SP3: variants seen among roughly 807,000 people sequenced by gnomAD.
SP3 encodes Sp3 transcription factor.
Under a neutral mutation model 70.3 loss-of-function variants are expected in SP3, and 10 were observed. The ratio of observed to expected loss-of-function variants is 0.14; its 90% CI spans 0.09 to 0.24. The LOEUF (loss-of-function observed/expected upper bound fraction) is 0.24. SP3 is among the 10% of genes least tolerant of loss of function. The pLI is 1.00. For missense variants in SP3, 825 were observed against 914.6 expected, an observed-to-expected ratio of 0.90 and a Z score of 1.26; for synonymous variants, 402 against 333.5, an observed-to-expected ratio of 1.21 and a Z score of -2.24.
intron 3 of SP3, among the ~76,000 whole-genome samples, chr2:173,960,111 A>C (rs1024461172): frequency 6.6e-6 from 1 of 152,234 alleles, no homozygotes; most frequent in Non-Finnish European, 1.5e-5. Flanking sequence ...TTGAGGCTGC[A>C]GTGAGTTGTA....
intron 4 of SP3, among the ~76,000 whole-genome samples, chr2:173,920,396 C>T (rs1689720321): frequency 6.6e-6 from 1 of 151,988 alleles, no homozygotes. Context: ...AATGTATAAA[C>T]ACGAAGAGGG....
chr2:173,964,242 G>A (rs1216293668), intron 2 of SP3, 163 bp downstream of exon 2: 1 of 504,210 alleles, frequency 2.0e-6, no homozygotes, highest in South Asian at 2.6e-5. Context: ...GGCGGGGTCG[G>A]AGCGTTGGCG....
At chr2:173,947,606 C>T (rs1690584146) in intron 4 of SP3, among the ~76,000 whole-genome samples, 1 of 152,074 alleles carries the variant, frequency 6.6e-6, no homozygotes, top group Non-Finnish European at 1.5e-5. Context: ...GATGCTATTG[C>T]TTCTTTTATC....
intron 3 of SP3, among the ~76,000 whole-genome samples, chr2:173,960,839 G>A (rs897649009): frequency 1.3e-5 from 2 of 152,002 alleles, no homozygotes; most frequent in African/African-American, 4.8e-5. Context: ...AGCCGGGCAT[G>A]GTGGCACACG....
intron 4 of SP3, among the ~76,000 whole-genome samples, chr2:173,946,885 C>CTT (rs3045255): frequency 0.28 from 41,758 of 146,584 alleles, 6,619 homozygotes; most frequent in East Asian, 0.62. Flanking sequence ...CCACGCCTGG[C>CTT]TTTTTTTTTT....
At chr2:173,946,369 C>G (rs976548555) in intron 4 of SP3, among the ~76,000 whole-genome samples, 1 of 151,514 alleles carries the variant, frequency 6.6e-6, no homozygotes, top group African/African-American at 2.4e-5. Flanking sequence ...GTCTTAAACT[C>G]CTGGCCTCAA....
chr2:173,910,890 AAGT>A (rs1170999090), intron 6 of SP3, among the ~76,000 whole-genome samples: 5 of 152,226 alleles, frequency 3.3e-5, no homozygotes, highest in African/African-American at 1.2e-4. Flanking sequence ...AGCATGAATA[AAGT>A]AAGTTTAAAT....
At chr2:173,912,376 A>G (rs1689509812) in intron 6 of SP3, among the ~76,000 whole-genome samples, 1 of 152,222 alleles carries the variant, frequency 6.6e-6, no homozygotes, top group African/African-American at 2.4e-5. Flanking sequence ...TCTCCATTTT[A>G]CCATGCTTCT....
Position 173,965,188 on chromosome 2 carries a change from C to T in SP3, c.-17G>A, listed in dbSNP as rs1257514597. 1.9e-6 allele frequency: 3 copies of T among 1,547,450 alleles called. No homozygotes were observed. Among genetic ancestry groups the T allele is most frequent in the African/African-American group, 1.4e-5 (1 of 72,624 alleles). Reference sequence around the variant, plus strand: ...ACCGGTCATAGTGTGTTTAGGGCACCTCAGGCGGGGCTCCCCGCCGCCTTA... The same window carrying T: ...ACCGGTCATAGTGTGTTTAGGGCACTTCAGGCGGGGCTCCCCGCCGCCTTA... On this transcript the variant is annotated 5_prime_UTR_variant, in exon 1 of 7. Transcript: ENST00000310015.
chr2:173,919,846 TC>T, intron 4 of SP3, among the ~76,000 whole-genome samples: 1 of 151,924 alleles, frequency 6.6e-6, no homozygotes, highest in African/African-American at 2.4e-5. Flanking sequence ...TCAAACAATT[TC>T]CCCCTAGGTA....
At chr2:173,949,083 C>T (rs975973102) in intron 4 of SP3, among the ~76,000 whole-genome samples, 1 of 152,094 alleles carries the variant, frequency 6.6e-6, no homozygotes, top group Non-Finnish European at 1.5e-5. Context: ...TACTTAAAAT[C>T]AGCACAGATC....
In SP3 at chr2:173,956,110, A is replaced by C. The variant is rs1456791769; in HGVS notation, c.402T>G (p.Thr134=). Residue 134 remains threonine, a synonymous_variant, in exon 4 of 7, where the codon ACT becomes ACG. Transcript: ENST00000310015. The stretch of plus-strand genomic sequence containing the variant: ...GGGGAAGAACATACTGCCCACTTGA[A>C]GTAGCAGCACTTGGAATCTGGACTA... The part of the protein sequence containing the change: ...GNLVQIPSAA[T]SSGQYVLPLQ... 6.2e-7 allele frequency: 1 copy of C among 1,614,086 alleles called. No individual in the cohort carries two copies. The highest frequency in any genetic ancestry group is 1.3e-5 in the African/African-American group (1 of 74,932).
chr2:173,960,031 G>A (rs112321553), intron 3 of SP3, among the ~76,000 whole-genome samples: 17,433 of 152,156 alleles, frequency 0.11, 1,285 homozygotes, highest in Middle Eastern at 0.18. Flanking sequence ...TTAGCCAGGC[G>A]TGGTGGCACG....
At chr2:173,926,126 TC>T (rs1270990922) in intron 4 of SP3, among the ~76,000 whole-genome samples, 1 of 152,118 alleles carries the variant, frequency 6.6e-6, no homozygotes, top group Non-Finnish European at 1.5e-5. Flanking sequence ...AGAAATTGGA[TC>T]TTAATGTAGT....
intron 4 of SP3, among the ~76,000 whole-genome samples, chr2:173,936,947 T>C (rs1312420721): frequency 6.6e-6 from 1 of 152,182 alleles, no homozygotes; most frequent in East Asian, 1.9e-4. Flanking sequence ...TTCTACACAG[T>C]TATCTGTATC....
chr2:173,945,748 C>T (rs1050613027), intron 4 of SP3, among the ~76,000 whole-genome samples: 2 of 152,152 alleles, frequency 1.3e-5, no homozygotes, highest in African/African-American at 4.8e-5. Flanking sequence ...GGGGACACCT[C>T]CCCCAGGGGT....
At chr2:173,948,886 T>TTC (rs1559105303) in intron 4 of SP3, among the ~76,000 whole-genome samples, 6 of 152,086 alleles carry the variant, frequency 3.9e-5, no homozygotes, top group Admixed American at 2.0e-4. Flanking sequence ...TAGCATGCAA[T>TTC]ACATACATGA....
At chr2:173,946,721 CTTT>C (rs35419725) in intron 4 of SP3, among the ~76,000 whole-genome samples, 14 of 129,226 alleles carry the variant, frequency 1.1e-4, no homozygotes, top group Admixed American at 2.5e-4. Context: ...AAAGATCTGC[CTTT>C]TTTTTTTTTT....
intron 2 of SP3, 115 bp downstream of exon 2, chr2:173,964,290 T>TGGAGG (rs1164716783): frequency 3.8e-5 from 11 of 290,790 alleles, no homozygotes; most frequent in Middle Eastern, 7.5e-4. Context: ...GGGAGGGGAG[T>TGGAGG]GGAGGGGAGG....
Sources: gnomAD v4.1 joint callset for allele counts (sites outside exome capture counted in the v4.1 genomes callset) on GRCh38, gnomAD v4.1.1 for gene constraint, MANE v1.5 for transcripts, NCBI Gene and HGNC (gene_info 2026-07-23, HGNC 2026-07-21) for gene names.